The following SMARCA2 variants were observed in gnomAD, a reference collection of about 807,000 sequenced individuals.
SMARCA2 encodes the protein SWI/SNF related BAF chromatin remodeling complex subunit ATPase 2.
In SMARCA2, 61 loss-of-function variants were observed where a neutral mutation model predicts 199.8. The ratio of observed to expected loss-of-function variants is 0.31; its 90% CI spans 0.25 to 0.38. The LOEUF (loss-of-function observed/expected upper bound fraction) is 0.38. Among genes scored for constraint, SMARCA2 ranks in the 10% least tolerant of loss-of-function variants. SMARCA2 has a pLI of 1.00. For synonymous variants in SMARCA2, 935 were observed against 732.0 expected (o/e 1.28, Z -4.48); for missense variants, 1,344 against 2,012.2 (o/e 0.67, Z 6.35).
At position 2,056,725 on chromosome 9, in the gene SMARCA2, T is replaced by C. The variant is rs2130344318; in HGVS notation, c.1227T>C (p.Ala409=). 1 of 1,614,058 alleles carries C rather than the reference T, an allele frequency of 6.2e-7. No individual in the cohort carries two copies. Among genetic ancestry groups the C allele is most frequent in the Non-Finnish European group, 8.5e-7 (1 of 1,180,012 alleles). The change falls in exon 7 of 34, where the codon GCT becomes GCC. Residue 409 remains alanine (A), a synonymous_variant. Coordinates refer to ENST00000349721, the MANE Select transcript of SMARCA2 (RefSeq NM_003070.5). The surrounding 1 kb of genome is among the most constrained non-coding windows in gnomAD (Gnocchi z 4.0). ...GCAGGGACACGACCCTGGAGACGGC[T>C]CTCAACTCCAAAGCATACAAACGGA... ...CMRRDTTLET[A]LNSKAYKRSK...
chr9:2,188,340 A>C (rs895949487), intron 32 of SMARCA2, among the ~76,000 whole-genome samples: 2 of 152,208 alleles, frequency 1.3e-5, no homozygotes, highest in African/African-American at 4.8e-5. Flanking sequence ...TGATGTATAC[A>C]CATTGCCACA....
chr9:2,070,536 C>G (rs373098283), intron 10 of SMARCA2, 65 bp downstream of exon 10: 11 of 1,196,370 alleles, frequency 9.2e-6, no homozygotes, highest in Non-Finnish European at 1.4e-5. Flanking sequence ...CCTGGCAGCA[C>G]CATTCTTCAT....
At chr9:2,033,255 A>C in intron 3 of SMARCA2, 174 bp downstream of exon 3, 1 of 606,938 alleles carries the variant, frequency 1.6e-6, no homozygotes, top group African/African-American at 1.9e-5. Context: ...CTGATGATTT[A>C]TATGGGAAAT....
At chr9:2,180,443 G>A (rs528524725) in intron 29 of SMARCA2, among the ~76,000 whole-genome samples, 21 of 152,252 alleles carry the variant, frequency 1.4e-4, no homozygotes, top group Admixed American at 9.8e-4. Flanking sequence ...CTGGGACTGT[G>A]GATTAAAACA....
At chr9:2,136,313 G>T (rs989824428) in intron 27 of SMARCA2, among the ~76,000 whole-genome samples, 4 of 151,084 alleles carry the variant, frequency 2.6e-5, no homozygotes, top group Admixed American at 2.0e-4. Flanking sequence ...TCAGCCTCCC[G>T]AGTAGCTGGG....
chr9:2,070,581 T>C, intron 10 of SMARCA2, 110 bp downstream of exon 10: 1 of 742,264 alleles, frequency 1.3e-6, no homozygotes. Context: ...CTATTTATTT[T>C]AAGTAAAAAT....
At chr9:2,093,816 G>A (rs1187552886) in intron 19 of SMARCA2, among the ~76,000 whole-genome samples, 1 of 152,162 alleles carries the variant, frequency 6.6e-6, no homozygotes, top group Non-Finnish European at 1.5e-5. Flanking sequence ...TTTAAATAGG[G>A]CTATAAATCA....
At chr9:2,158,669 A>AC (rs147561322) in intron 27 of SMARCA2, 10 of 329,610 alleles carry the variant, frequency 3.0e-5, no homozygotes, top group South Asian at 2.6e-4. Context: ...TTTGTGTGTG[A>AC]CCCCCCAGCC....
At chr9:2,042,789 A>G (rs1329258557) in intron 4 of SMARCA2, 1 of 152,128 alleles carries the variant, frequency 6.6e-6, no homozygotes, top group East Asian at 1.9e-4. Context: ...GCTTCATTAG[A>G]AATGACAATA....
intron 19 of SMARCA2, among the ~76,000 whole-genome samples, chr9:2,090,348 T>C (rs977825551): frequency 3.9e-5 from 6 of 152,210 alleles, no homozygotes; most frequent in Non-Finnish European, 7.4e-5. Flanking sequence ...TATCTACCTT[T>C]AGAGGTATCT....
chr9:2,161,690 T>TCGAAGA lies in SMARCA2; in HGVS notation c.3989_3994dup (p.Glu1330_Asp1331dup). ...TCCTTTGTTTCCAACGAACAGGCCA[T>TCGAAGA]CGAAGACGGCAATTTGGAGGAAATG... On this transcript the variant is annotated inframe_insertion, in exon 28 of 34. Transcript: ENST00000349721. This position sits in a 1 kb window ranked among gnomAD's most constrained non-coding sequence, Gnocchi z 4.7. The TCGAAGA allele has an allele frequency of 6.2e-7, 1 of 1,613,144 alleles. No homozygotes were observed. Among genetic ancestry groups the TCGAAGA allele is most frequent in the Non-Finnish European group, 8.5e-7 (1 of 1,179,278 alleles).
intron 4 of SMARCA2, among the ~76,000 whole-genome samples, chr9:2,046,838 A>G (rs1386104964): frequency 2.6e-5 from 4 of 152,092 alleles, no homozygotes; most frequent in African/African-American, 9.7e-5. Context: ...AAAAAAGAAA[A>G]AGAAAGAAAC....
intron 21 of SMARCA2, among the ~76,000 whole-genome samples, chr9:2,100,633 C>G (rs1445194079): frequency 1.3e-5 from 2 of 151,020 alleles, no homozygotes; most frequent in Non-Finnish European, 2.9e-5. Flanking sequence ...ACCTGGGAGG[C>G]AGAGGTTTGC....
chr9:2,191,445 C>T, intron 33 of SMARCA2, 37 bp downstream of exon 33: 1 of 1,610,558 alleles, frequency 6.2e-7, no homozygotes, highest in Non-Finnish European at 8.5e-7. Context: ...GCGGAGACGC[C>T]CTCTCCCCTG....
chr9:2,075,719 G>A (rs1305096959), intron 12 of SMARCA2, among the ~76,000 whole-genome samples: 1 of 152,154 alleles, frequency 6.6e-6, no homozygotes, highest in African/African-American at 2.4e-5. Flanking sequence ...GTGCAGTGGT[G>A]TGATCTTGGC....
At position 2,119,053 on chromosome 9, in the gene SMARCA2, T is replaced by C. The variant is rs1016768289; in HGVS notation, c.3685-405T>C. Among the ~76,000 whole-genome samples, 1 of 152,212 alleles carries C rather than the reference T, an allele frequency of 6.6e-6. No individual in the cohort carries two copies. The highest frequency in any genetic ancestry group is 1.9e-4 in the East Asian group (1 of 5,198). ...GCATTTATATTTGGCATAAGGTAAA[T>C]GGAATTAAAAGAATTAATGTTAGGT... On this transcript the variant is annotated intron_variant, in intron 25 of 33. Transcript: ENST00000349721. The surrounding 1 kb of genome is among the most constrained non-coding windows in gnomAD (Gnocchi z 4.6).
chr9:2,077,883 G>T lies in SMARCA2; in HGVS notation c.2184+107G>T, dbSNP rs1821396861. 1.2e-5 allele frequency: 12 copies of T among 989,634 alleles called. 1 individual carries two copies. Among genetic ancestry groups the T allele is most frequent in the Middle Eastern group, 6.5e-4 (2 of 3,070 alleles). The allele number at this position is 989,634 out of a possible 1,614,324, so 61.3% of individuals were successfully genotyped here. Reference sequence around the variant, plus strand: ...CTAAGGGCTTTTGATGATATTTTAGGCCACATCACTTATAATACTGAGGTT... The same window carrying T: ...CTAAGGGCTTTTGATGATATTTTAGTCCACATCACTTATAATACTGAGGTT... On this transcript the variant is annotated intron_variant, in intron 14 of 33. Transcript: ENST00000349721.
Position 2,110,199 on chromosome 9 carries a change from T to C in SMARCA2, c.3293-55T>C. The C allele has an allele frequency of 6.9e-7, 1 of 1,443,334 alleles. No individual in the cohort carries two copies. Among genetic ancestry groups the C allele is most frequent in the South Asian group, 1.3e-5 (1 of 74,222 alleles). 89.4% of individuals were successfully genotyped at this position (1,443,334 alleles called of 1,614,324 possible). On this transcript the variant is annotated intron_variant, in intron 23 of 33. Transcript: ENST00000349721. The surrounding 1 kb of genome is among the most constrained non-coding windows in gnomAD (Gnocchi z 4.8). ...GGAAGCAAGCCTTTTTGTCTCATTCTGTGCCATTTTCAGACAAGAGTTAAT... is the reference window on the plus strand; with the variant it reads ...GGAAGCAAGCCTTTTTGTCTCATTCCGTGCCATTTTCAGACAAGAGTTAAT...
rs114440955 is a variant in SMARCA2, at chr9:2,041,088, G to T, written c.790+1188G>T. Reference sequence around the variant, plus strand: ...GTTTGGGATATTGGTACTGTTCCTGGGTTTTGGGCCTTATACCATGGGAGA... The same window carrying T: ...GTTTGGGATATTGGTACTGTTCCTGTGTTTTGGGCCTTATACCATGGGAGA... On this transcript the variant is annotated intron_variant, in intron 4 of 33. Transcript: ENST00000349721. 2,303 of 331,680 alleles carry T rather than the reference G, an allele frequency of 6.9e-3. 48 individuals carry two copies. The highest frequency in any genetic ancestry group is 0.044 in the African/African-American group (2,087 of 47,136). The allele number at this position is 331,680 out of a possible 1,614,324, so 20.5% of individuals were successfully genotyped here. A position where few individuals can be genotyped will look rare whatever the true frequency, so the allele number is the denominator to read the frequency against.
Sources: gnomAD v4.1 joint callset for allele counts (sites outside exome capture counted in the v4.1 genomes callset) on GRCh38, gnomAD v4.1.1 for gene constraint, Gnocchi (gnomAD v3.1) non-coding constraint, MANE v1.5 for transcripts, NCBI Gene and HGNC (gene_info 2026-07-23, HGNC 2026-07-21) for gene names.